The following GABRD variants were observed in gnomAD, a reference collection of about 807,000 sequenced individuals.
The protein encoded by GABRD is gamma-aminobutyric acid receptor subunit delta.
Under a neutral mutation model 47.3 loss-of-function variants are expected in GABRD, and 25 were observed. That is an observed-to-expected ratio of 0.53 (90% confidence interval 0.39 to 0.74). The LOEUF (loss-of-function observed/expected upper bound fraction) is 0.74, where lower values mean the gene tolerates loss of function less well. GABRD is among the 30% of genes least tolerant of loss of function. The pLI, the probability that GABRD is intolerant of heterozygous loss-of-function variation, is 0.00. For missense variants in GABRD, 497 were observed against 643.4 expected (o/e 0.77, Z 2.46); for synonymous variants, 314 against 278.8 (o/e 1.13, Z -1.26).
At position 2,019,438 on chromosome 1, in the gene GABRD, C is replaced by G. The variant is rs1453164730; in HGVS notation, c.15C>G (p.Ala5=). MDAP[A]RLLAPLLLLC... ...CCGCCGCGGCCATGGACGCGCCCGC[C>G]CGGCTGCTGGCCCCGCTCCTGCTCC... Residue 5 remains alanine, a synonymous_variant, in exon 1 of 9, where the codon GCC becomes GCG. Transcript: ENST00000378585. 9.1e-7 allele frequency: 1 copy of G among 1,099,556 alleles called. No homozygotes were observed. Among genetic ancestry groups the G allele is most frequent in the African/African-American group, 1.7e-5 (1 of 59,176 alleles). The allele number at this position is 1,099,556 out of a possible 1,614,324, so 68.1% of individuals were successfully genotyped here.
intron 1 of GABRD, among the ~76,000 whole-genome samples, chr1:2,020,918 T>C (rs917049556): frequency 2.6e-5 from 4 of 152,272 alleles, no homozygotes; most frequent in African/African-American, 4.8e-5. Context: ...TGGGAAATTC[T>C]TCAGGCCGCC....
rs746553251 is a variant in GABRD, at chr1:2,028,311, C to A, written c.691+19C>A. 55 of 1,601,316 alleles carry A rather than the reference C, an allele frequency of 3.4e-5. No homozygotes were observed. Among genetic ancestry groups the A allele is most frequent in the Admixed American group, 1.8e-4 (11 of 59,556 alleles). On this transcript the variant is annotated intron_variant, in intron 6 of 8. Transcript: ENST00000378585. This position sits in a 1 kb window ranked among gnomAD's most constrained non-coding sequence, Gnocchi z 6.4. ...AAGTCCGGTAACATATGCCCGCCGC[C>A]CCTTCCGCATGTGCCCGCCGCCCCT...
chr1:2,025,002 C>T lies in GABRD; in HGVS notation c.129C>T (p.Asn43=), dbSNP rs780379847. The change falls in exon 2 of 9, where the codon AAC becomes AAT. Residue 43 remains asparagine (N), a synonymous_variant. Transcript: ENST00000378585. ...GSNLEISWLP[N]LDGLIAGYAR... is the part of the protein sequence containing the mutation. ...ACCTGGAGATCTCCTGGCTCCCCAA[C>T]CTGGACGGGCTGATAGCCGGCTACG... is the stretch of plus-strand genomic sequence containing the variant. 1.9e-6 allele frequency: 3 copies of T among 1,612,926 alleles called. No individual in the cohort carries two copies. The highest frequency in any genetic ancestry group is 2.5e-6 in the Non-Finnish European group (3 of 1,179,884).
rs1024610221 is a variant in GABRD at position 2,019,411 on chromosome 1, G to A, written c.-13G>A. ...CAAGTTTGCGCGGACCCCGTCCCGAGCCCGCCGCGGCCATGGACGCGCCCG... is the reference window on the plus strand; with the variant it reads ...CAAGTTTGCGCGGACCCCGTCCCGAACCCGCCGCGGCCATGGACGCGCCCG... On this transcript the variant is annotated 5_prime_UTR_variant, in exon 1 of 9. Transcript: ENST00000378585. 217 of 1,063,224 alleles carry A rather than the reference G, an allele frequency of 2.0e-4. No individual in the cohort carries two copies. The highest frequency in any genetic ancestry group is 2.4e-4 in the Non-Finnish European group (211 of 882,662). 65.9% of individuals were successfully genotyped at this position (1,063,224 alleles called of 1,614,324 possible).
rs544693522 is a variant in GABRD, at chr1:2,022,775, C to T, written c.69-2167C>T. On this transcript the variant is annotated intron_variant, in intron 1 of 8. Coordinates refer to ENST00000378585, the MANE Select transcript of GABRD (RefSeq NM_000815.5). The stretch of plus-strand genomic sequence containing the variant: ...GGGCCACTCCTGGGGGTCCCGTGGG[C>T]GCGGGGTCCTGGGTCTGGATGGACA... 5.3e-5 allele frequency among the ~76,000 whole-genome samples: 8 copies of T among 152,352 alleles called. No homozygotes were observed. The South Asian group carries it at 1.2e-3, about 24-fold the overall frequency.
chr1:2,029,303 G>A (rs541971436), intron 7 of GABRD, 37 bp downstream of exon 7: 105 of 1,535,994 alleles, frequency 6.8e-5, no homozygotes, highest in Non-Finnish European at 8.9e-5. Flanking sequence ...GGAGCTGGAA[G>A]GGCGGCCCTG....
intron 1 of GABRD, among the ~76,000 whole-genome samples, chr1:2,022,990 C>T (rs1220384901): frequency 1.3e-5 from 2 of 152,124 alleles, no homozygotes; most frequent in Non-Finnish European, 2.9e-5. Context: ...CCTCAGCCCC[C>T]GACCCCGCTG....
At chr1:2,022,061 C>A (rs1658794292) in intron 1 of GABRD, among the ~76,000 whole-genome samples, 1 of 151,968 alleles carries the variant, frequency 6.6e-6, no homozygotes, top group African/African-American at 2.4e-5. Flanking sequence ...AGACTTGGAG[C>A]CTGGTGTGTA....
At chr1:2,024,593 C>A (rs1021392212) in intron 1 of GABRD, 2 of 182,466 alleles carry the variant, frequency 1.1e-5, no homozygotes, top group Non-Finnish European at 1.1e-5. Flanking sequence ...CCGGCCTCCG[C>A]GGGCTGGTTG....
chr1:2,019,679 C>G (rs1342961967), intron 1 of GABRD, among the ~76,000 whole-genome samples, 188 bp downstream of exon 1: 4 of 151,656 alleles, frequency 2.6e-5, no homozygotes, highest in African/African-American at 7.3e-5. Flanking sequence ...GGACGCTGCC[C>G]TTGGGCTCGG....
chr1:2,020,072 C>T (rs1386368796), intron 1 of GABRD, among the ~76,000 whole-genome samples: 3 of 152,180 alleles, frequency 2.0e-5, no homozygotes, highest in Non-Finnish European at 2.9e-5. Flanking sequence ...TGCAGGTGGA[C>T]GGCGGCCAGG....
intron 1 of GABRD, among the ~76,000 whole-genome samples, chr1:2,021,106 C>T (rs377031988): frequency 6.6e-6 from 1 of 152,254 alleles, no homozygotes; most frequent in Non-Finnish European, 1.5e-5. Context: ...CCTGCAGTCA[C>T]TCCCATCCCT....
chr1:2,029,115 C>A lies in GABRD; in HGVS notation c.696C>A (p.Gly232=), dbSNP rs144046110. 31 of 1,541,330 alleles carry A rather than the reference C, an allele frequency of 2.0e-5. No homozygotes were observed. The South Asian group carries it at 3.7e-4, about 18-fold the overall frequency. The change falls in exon 7 of 9, where the codon GGC becomes GGA. Residue 232 remains glycine, a synonymous_variant. Transcript: ENST00000378585. The part of the protein sequence containing the change: ...TTELMNFKSA[G]QFPRLSLHFH... ...TGACGGTGGCTGTCCTGGCAGCTGGCCAGTTCCCACGGCTCAGCCTGCACT... is the reference window on the plus strand; with the variant it reads ...TGACGGTGGCTGTCCTGGCAGCTGGACAGTTCCCACGGCTCAGCCTGCACT...
Position 2,025,061 on chromosome 1 carries a change from G to A in GABRD, c.181+7G>A. 1 of 1,607,326 alleles carries A rather than the reference G, an allele frequency of 6.2e-7. No individual in the cohort carries two copies. The highest frequency in any genetic ancestry group is 1.1e-5 in the South Asian group (1 of 90,806). On this transcript the variant is annotated splice_region_variant and intron_variant, in intron 2 of 8. Coordinates refer to ENST00000378585, the MANE Select transcript of GABRD (RefSeq NM_000815.5). ...TTCCGGCCTGGCATCGGAGGTGAGG[G>A]GCGGTCCAGGCCCGGCAGGCAGGAG...
chr1:2,022,749 C>T (rs753473270), intron 1 of GABRD, among the ~76,000 whole-genome samples: 9 of 152,240 alleles, frequency 5.9e-5, no homozygotes, highest in South Asian at 4.1e-4. Flanking sequence ...AGCCCTGTGC[C>T]GGGCCACTCC....
intron 2 of GABRD, 78 bp from the exon 3 acceptor site, chr1:2,025,256 G>T: frequency 6.5e-7 from 1 of 1,548,496 alleles, no homozygotes; most frequent in Non-Finnish European, 8.9e-7. Context: ...GCCTGTGACT[G>T]GGACCCCGGC....
chr1:2,027,556 C>T (rs752352993), intron 4 of GABRD, 21 bp from the exon 5 acceptor site: 4 of 1,608,532 alleles, frequency 2.5e-6, no homozygotes, highest in Non-Finnish European at 3.4e-6. Flanking sequence ...CAAGGCCTCA[C>T]TGCCATGCTT....
Position 2,027,913 on chromosome 1 carries a change from AG to A in GABRD, c.554-241del, listed in dbSNP as rs1157249072. On this transcript the variant is annotated intron_variant, in intron 5 of 8. Coordinates refer to ENST00000378585, the MANE Select transcript of GABRD (RefSeq NM_000815.5). ...TGGCACGGATTGATATTGTTGAGCCAGTGCAGCAGCCCCTGTGTGTCACCTG... is the reference window on the plus strand; with the variant it reads ...TGGCACGGATTGATATTGTTGAGCCATGCAGCAGCCCCTGTGTGTCACCTG... The A allele has an allele frequency of 6.5e-6, 4 of 613,644 alleles. No homozygotes were observed. In the African/African-American group the frequency reaches 7.4e-5, roughly 11 times the overall value. 38.0% of individuals were successfully genotyped at this position (613,644 alleles called of 1,614,324 possible).
chr1:2,027,146 G>C, intron 4 of GABRD: 1 of 317,194 alleles, frequency 3.2e-6, no homozygotes, highest in Admixed American at 4.7e-5. Flanking sequence ...TTGGGTGACA[G>C]AGTGAGACCC....
Sources: allele counts gnomAD v4.1 joint callset (sites outside exome capture counted in the v4.1 genomes callset), GRCh38; gene constraint gnomAD v4.1.1; non-coding constraint Gnocchi (gnomAD v3.1); transcripts MANE v1.5; gene names NCBI Gene and HGNC (gene_info 2026-07-23, HGNC 2026-07-21).